The following VDR variants were observed in gnomAD, a reference collection of about 807,000 sequenced individuals.
VDR encodes vitamin D receptor, also known as vitamin D3 receptor.
A neutral mutation model predicts 39.7 loss-of-function variants in VDR; 19 were observed. The ratio of observed to expected loss-of-function variants is 0.48; its 90% CI spans 0.33 to 0.70. The LOEUF (loss-of-function observed/expected upper bound fraction) is 0.70. Among genes scored for constraint, VDR ranks in the 30% least tolerant of loss-of-function variants. VDR has a pLI of 0.02. For synonymous variants in VDR, 242 were observed against 215.8 expected, an observed-to-expected ratio of 1.12 and a Z score of -1.07; for missense variants, 442 against 570.5, an observed-to-expected ratio of 0.77 and a Z score of 2.29.
At chr12:47,878,893 A>AG in intron 3 of VDR, 75 bp downstream of exon 3, 2 of 1,610,272 alleles carry the variant, frequency 1.2e-6, no homozygotes, top group East Asian at 2.2e-5. Context: ...GAAAAATGCA[A>AG]GGGCTCCCTT....
chr12:47,868,936 C>T (rs532913257), intron 3 of VDR, among the ~76,000 whole-genome samples: 1 of 152,202 alleles, frequency 6.6e-6, no homozygotes, highest in Non-Finnish European at 1.5e-5. Context: ...CCACCACCTA[C>T]AGTGATGTGA....
intron 4 of VDR, among the ~76,000 whole-genome samples, chr12:47,860,163 A>T (rs1945598271): frequency 6.6e-6 from 1 of 151,840 alleles, no homozygotes; most frequent in Non-Finnish European, 1.5e-5. Flanking sequence ...ATGGGGTTTC[A>T]CCATGTTGGC....
At chr12:47,882,453 A>T (rs2137211845) in intron 2 of VDR, among the ~76,000 whole-genome samples, 1 of 152,254 alleles carries the variant, frequency 6.6e-6, no homozygotes, top group South Asian at 2.1e-4. Flanking sequence ...AGGAGAGCCC[A>T]GCCAGGGTCG....
chr12:47,857,746 C>A, intron 4 of VDR, 58 bp from the exon 5 acceptor site: 1 of 1,592,908 alleles, frequency 6.3e-7, no homozygotes, highest in Non-Finnish European at 8.6e-7. Flanking sequence ...AGGAAACCTT[C>A]CTCCTGCGGT....
At chr12:47,875,271 A>C (rs543234197) in intron 3 of VDR, among the ~76,000 whole-genome samples, 1 of 152,380 alleles carries the variant, frequency 6.6e-6, no homozygotes, top group East Asian at 1.9e-4. Flanking sequence ...CTAAATGGTC[A>C]AATGGGATTG....
At chr12:47,903,934 C>T (rs1328094889) in intron 1 of VDR, among the ~76,000 whole-genome samples, 1 of 152,166 alleles carries the variant, frequency 6.6e-6, no homozygotes, top group African/African-American at 2.4e-5. Context: ...GGAAGACCAC[C>T]TTCCAGCAGG....
chr12:47,852,201 C>T (rs1945401051), intron 7 of VDR, among the ~76,000 whole-genome samples: 1 of 152,226 alleles, frequency 6.6e-6, no homozygotes, highest in South Asian at 2.1e-4. Flanking sequence ...AACCTGGAAT[C>T]ACTGTATCTG....
chr12:47,869,984 C>T (rs765162534), intron 3 of VDR, among the ~76,000 whole-genome samples: 9 of 152,142 alleles, frequency 5.9e-5, no homozygotes, highest in Non-Finnish European at 8.8e-5. Flanking sequence ...ATATGAAGCC[C>T]GAGAACACTG....
rs61761615 is a variant in VDR, at chr12:47,846,678, G to A, written c.886C>T (p.Arg296Cys). ...WTCGNQDYKY[R>C]VSDVTKAGHS... ...ATACCTTTGGTCACGTCACTGACGC[G>A]GTACTTGTAGTCTTGGTTGCCACAG... Residue 296 changes from arginine to cysteine, a missense_variant, in exon 8 of 10, where the codon CGC becomes TGC. Transcript: ENST00000549336. 137 of 1,613,838 alleles carry A rather than the reference G, an allele frequency of 8.5e-5. No homozygotes were observed. The highest frequency in any genetic ancestry group is 3.4e-4 in the Middle Eastern group (2 of 5,898).
At chr12:47,870,253 C>T (rs1286813008) in intron 3 of VDR, among the ~76,000 whole-genome samples, 3 of 152,190 alleles carry the variant, frequency 2.0e-5, no homozygotes, top group African/African-American at 4.8e-5. Context: ...TCTCTGCCCA[C>T]GAGGAGTCAG....
chr12:47,852,507 G>A (rs890525032), intron 7 of VDR, among the ~76,000 whole-genome samples: 2 of 152,164 alleles, frequency 1.3e-5, no homozygotes, highest in Non-Finnish European at 2.9e-5. Context: ...AAGATCTGTC[G>A]CTTGCTCCTG....
At chr12:47,871,358 C>CTTTCTTTCTTT (rs1555153491) in intron 3 of VDR, among the ~76,000 whole-genome samples, 4 of 112,896 alleles carry the variant, frequency 3.5e-5, no homozygotes, top group Non-Finnish European at 7.5e-5. Flanking sequence ...TTCTTTCTTT[C>CTTTCTTTCTTT]CTTTCTCTCT....
At chr12:47,899,136 A>G (rs1946515199) in intron 1 of VDR, among the ~76,000 whole-genome samples, 1 of 152,244 alleles carries the variant, frequency 6.6e-6, no homozygotes, top group Non-Finnish European at 1.5e-5. Context: ...CTAACAAATG[A>G]CAGAGAAACC....
intron 1 of VDR, among the ~76,000 whole-genome samples, chr12:47,904,157 C>T (rs1239255290): frequency 2.6e-5 from 4 of 151,760 alleles, no homozygotes; most frequent in Non-Finnish European, 5.9e-5. Flanking sequence ...AGGGTCTGGG[C>T]TTGGAGACCT....
chr12:47,879,262 G>A (rs1351691368), intron 2 of VDR, 147 bp from the exon 3 acceptor site: 15 of 970,186 alleles, frequency 1.5e-5, no homozygotes, highest in Non-Finnish European at 2.1e-5. Flanking sequence ...ATCTCCCCAG[G>A]GCCCAGGCCT....
Position 47,857,576 on chromosome 12 carries a change from G to A in VDR, c.390C>T (p.Arg130=). ...LRPKLSEEQQ[R]IIAILLDAHH... is the part of the protein sequence containing the mutation. ...GGGCGTCCAGCAGTATGGCAATGAT[G>A]CGCTGCTGCTCCTCAGACAGCTTGG... The change falls in exon 5 of 10, where the codon CGC becomes CGT. Residue 130 remains arginine (R), a synonymous_variant. Coordinates refer to ENST00000549336, the MANE Select transcript of VDR (RefSeq NM_000376.3). 6.2e-7 allele frequency: 1 copy of A among 1,614,212 alleles called. No individual in the cohort carries two copies. The highest frequency in any genetic ancestry group is 1.1e-5 in the South Asian group (1 of 91,084).
At chr12:47,856,370 A>G (rs546163926) in intron 6 of VDR, among the ~76,000 whole-genome samples, 2 of 152,310 alleles carry the variant, frequency 1.3e-5, no homozygotes, top group Admixed American at 1.3e-4. Flanking sequence ...ATTGTAAGGG[A>G]AAATTTCCGA....
At chr12:47,860,218 G>A (rs372516351) in intron 4 of VDR, among the ~76,000 whole-genome samples, 6 of 152,184 alleles carry the variant, frequency 3.9e-5, no homozygotes, top group East Asian at 1.9e-4. Context: ...TGCCCGCCTT[G>A]GCCTCCCAAA....
intron 1 of VDR, among the ~76,000 whole-genome samples, chr12:47,887,496 G>T (rs756571701): frequency 6.6e-6 from 1 of 152,190 alleles, no homozygotes; most frequent in Non-Finnish European, 1.5e-5. Context: ...TGTGAGTGAA[G>T]TTGCAGGGGA....
Sources: allele counts gnomAD v4.1 joint callset (sites outside exome capture counted in the v4.1 genomes callset), GRCh38; gene constraint gnomAD v4.1.1; transcripts MANE v1.5; gene names NCBI Gene and HGNC (gene_info 2026-07-23, HGNC 2026-07-21).